CSMD1: variants seen among roughly 807,000 people sequenced by gnomAD.
CSMD1 encodes CUB and Sushi multiple domains 1, also known as CUB and sushi domain-containing protein 1.
Under a neutral mutation model 417.5 loss-of-function variants are expected in CSMD1, and 213 were observed. The observed-to-expected ratio is 0.51, with a 90% CI of 0.46 to 0.57. The LOEUF is 0.57. CSMD1 is among the 20% of genes least tolerant of loss of function. The pLI, the probability that CSMD1 is intolerant of heterozygous loss-of-function variation, is 0.00. For synonymous variants in CSMD1, 2,862 were observed against 1,736.8 expected, an observed-to-expected ratio of 1.65 and a Z score of -16.11; for missense variants, 6,923 against 4,529.7, an observed-to-expected ratio of 1.53 and a Z score of -15.17.
At chr8:3,281,305 G>A (rs997885688) in intron 26 of CSMD1, among the ~76,000 whole-genome samples, 15 of 152,040 alleles carry the variant, frequency 9.9e-5, no homozygotes, top group African/African-American at 3.6e-4. Flanking sequence ...ATAGCCAGGT[G>A]TGTTGGTGCG....
At chr8:3,406,342 A>C in intron 14 of CSMD1, 121 bp from the exon 15 acceptor site, 1 of 740,298 alleles carries the variant, frequency 1.4e-6, no homozygotes, top group South Asian at 2.6e-5. Flanking sequence ...AATTATATAA[A>C]TTTCAGTTGT....
intron 51 of CSMD1, among the ~76,000 whole-genome samples, chr8:3,023,295 C>G (rs1343281152): frequency 6.6e-6 from 1 of 152,164 alleles, no homozygotes; most frequent in African/African-American, 2.4e-5. Flanking sequence ...GTGTAGCTCA[C>G]TGAGTCAGTG....
chr8:3,759,137 C>A (rs780135678), intron 5 of CSMD1, among the ~76,000 whole-genome samples: 1 of 152,132 alleles, frequency 6.6e-6, no homozygotes, highest in Non-Finnish European at 1.5e-5. Flanking sequence ...TGGTTTAAGT[C>A]ATTGTATTTG....
intron 49 of CSMD1, among the ~76,000 whole-genome samples, chr8:3,080,143 C>T (rs768430401): frequency 2.0e-5 from 3 of 152,164 alleles, no homozygotes; most frequent in Admixed American, 6.5e-5. Context: ...GAGAACCAGA[C>T]CTTGAAAGTA....
rs139683561 is a variant in CSMD1 at position 4,384,173 on chromosome 8, G to T, written c.415+35780C>A. Among the ~76,000 whole-genome samples, 70 of 152,158 alleles carry T rather than the reference G, an allele frequency of 4.6e-4. No homozygotes were observed. The East Asian group carries it at 9.9e-3, about 21-fold the overall frequency. ...CCTTGGGAATGCCAGGATTCTCTAA[G>T]AAAGACATCCTGCTCAAGATTAGAA... On this transcript the variant is annotated intron_variant, in intron 3 of 69. Transcript: ENST00000635120.
At chr8:3,793,857 G>T (rs538859302) in intron 5 of CSMD1, among the ~76,000 whole-genome samples, 3 of 152,214 alleles carry the variant, frequency 2.0e-5, no homozygotes, top group African/African-American at 4.8e-5. Context: ...AATAAATATT[G>T]ACTGAGTGTC....
At position 3,625,691 on chromosome 8, in the gene CSMD1, T is replaced by C. The variant is rs7013352; in HGVS notation, c.1010-8894A>G. Among the ~76,000 whole-genome samples, 688 of 152,276 alleles carry C rather than the reference T, an allele frequency of 4.5e-3. 1 individual carries two copies. The highest frequency in any genetic ancestry group is 0.016 in the African/African-American group (657 of 41,550). ...CTATTGTACATAAAAAATAAAACGATTTGGCATTCCTAAAATTCAGTCATT... is the reference window on the plus strand; with the variant it reads ...CTATTGTACATAAAAAATAAAACGACTTGGCATTCCTAAAATTCAGTCATT... On this transcript the variant is annotated intron_variant, in intron 7 of 69. Transcript: ENST00000635120.
rs187833285 is a variant in CSMD1, at chr8:3,794,239, G to T, written c.819-40197C>A. 3.9e-5 allele frequency among the ~76,000 whole-genome samples: 6 copies of T among 152,270 alleles called. No homozygotes were observed. In the East Asian group the frequency reaches 1.2e-3, roughly 29 times the overall value. The stretch of plus-strand genomic sequence containing the variant: ...CCTTCTTGGGACAATCCTGTTCTAC[G>T]CAGTTGAGATGTTGATGGCCTGCAG... On this transcript the variant is annotated intron_variant, in intron 5 of 69. Coordinates refer to ENST00000635120, the MANE Select transcript of CSMD1 (RefSeq NM_033225.6).
chr8:4,216,865 C>A (rs1371796091), intron 3 of CSMD1, among the ~76,000 whole-genome samples: 3 of 152,200 alleles, frequency 2.0e-5, no homozygotes, highest in Non-Finnish European at 2.9e-5. Flanking sequence ...ACCAGCTTGA[C>A]AGTCTCCCTT....
chr8:3,503,423 G>C (rs749042930), intron 10 of CSMD1, among the ~76,000 whole-genome samples: 11 of 152,242 alleles, frequency 7.2e-5, no homozygotes, highest in Non-Finnish European at 1.2e-4. Flanking sequence ...GGGAAATAAA[G>C]TTTGCACAGG....
intron 5 of CSMD1, among the ~76,000 whole-genome samples, chr8:3,969,128 G>A (rs963526707): frequency 6.6e-6 from 1 of 152,178 alleles, no homozygotes; most frequent in African/African-American, 2.4e-5. Context: ...GCATATGCCT[G>A]TAATGTTACT....
rs186682660 is a variant in CSMD1, at chr8:4,171,288, G to C, written c.416-139189C>G. ...CTCATTCATTCACCTGGCATTTATT[G>C]TAAGCAACCCTACGCCAGGCTGTTT... On this transcript the variant is annotated intron_variant, in intron 3 of 69. Transcript: ENST00000635120. Among the ~76,000 whole-genome samples, 70 of 151,960 alleles carry C rather than the reference G, an allele frequency of 4.6e-4. 2 individuals carry two copies. Among genetic ancestry groups the C allele is most frequent in the African/African-American group, 1.6e-3 (67 of 41,242 alleles).
chr8:4,875,276 T>A (rs945008620), intron 1 of CSMD1, among the ~76,000 whole-genome samples: 1 of 152,088 alleles, frequency 6.6e-6, no homozygotes, highest in Non-Finnish European at 1.5e-5. Context: ...TCTGGTAATA[T>A]ACAAGCTCAC....
intron 30 of CSMD1, among the ~76,000 whole-genome samples, chr8:3,207,311 C>T (rs1307903356): frequency 6.7e-6 from 1 of 148,794 alleles, no homozygotes; most frequent in Non-Finnish European, 1.5e-5. Context: ...ACACACCTGG[C>T]TGATTTTTTT....
At chr8:3,945,617 T>G (rs1309441200) in intron 5 of CSMD1, among the ~76,000 whole-genome samples, 1 of 152,138 alleles carries the variant, frequency 6.6e-6, no homozygotes, top group Non-Finnish European at 1.5e-5. Context: ...CAAACTAATG[T>G]ACTGGTTAAC....
chr8:3,915,243 C>G (rs1808736534), intron 5 of CSMD1, among the ~76,000 whole-genome samples: 1 of 151,318 alleles, frequency 6.6e-6, no homozygotes, highest in African/African-American at 2.4e-5. Flanking sequence ...CTGCCTCTAC[C>G]AAAAATAGAA....
Position 4,683,072 on chromosome 8 carries a change from T to C in CSMD1, c.86-45514A>G, listed in dbSNP as rs372229749. 2.3e-3 allele frequency among the ~76,000 whole-genome samples: 345 copies of C among 149,942 alleles called. 15 individuals are homozygous for C. In the South Asian group the frequency reaches 0.058, roughly 25 times the overall value. On this transcript the variant is annotated intron_variant, in intron 1 of 69. Transcript: ENST00000635120. ...AGAATAGTCCAATGTCATTGTGGCATAGAATTTAGAAATTAAGAGAAGTTT... is the reference window on the plus strand; with the variant it reads ...AGAATAGTCCAATGTCATTGTGGCACAGAATTTAGAAATTAAGAGAAGTTT...
At chr8:4,423,467 G>A (rs906143917) in intron 2 of CSMD1, among the ~76,000 whole-genome samples, 15 of 151,994 alleles carry the variant, frequency 9.9e-5, no homozygotes, top group Non-Finnish European at 1.6e-4. Flanking sequence ...ACAGCTCAAA[G>A]AAAAGCTTCT....
intron 1 of CSMD1, among the ~76,000 whole-genome samples, chr8:4,942,791 G>A (rs4449816): frequency 0.98 from 149,208 of 152,336 alleles, 73,117 homozygotes; most frequent in East Asian, 1. Context: ...CTAGGGAATT[G>A]GAAACTGCAA....
Sources: allele counts gnomAD v4.1 joint callset (sites outside exome capture counted in the v4.1 genomes callset), GRCh38; gene constraint gnomAD v4.1.1; transcripts MANE v1.5; gene names NCBI Gene and HGNC (gene_info 2026-07-23, HGNC 2026-07-21).